The following EFR3B variants were observed in gnomAD, a reference collection of about 807,000 sequenced individuals.
EFR3B encodes the protein protein EFR3 homolog B.
EFR3B carries 64 observed loss-of-function variants against 104.7 expected under a neutral mutation model. That is an observed-to-expected ratio of 0.61 (90% confidence interval 0.50 to 0.75). The LOEUF (loss-of-function observed/expected upper bound fraction) is 0.75, where lower values mean the gene tolerates loss of function less well. Among genes scored for constraint, EFR3B ranks in the 30% least tolerant of loss-of-function variants. EFR3B has a pLI of 0.00. For synonymous variants in EFR3B, 385 were observed against 417.9 expected (o/e 0.92, Z 0.96); for missense variants, 750 against 1,078.5 (o/e 0.70, Z 4.27).
chr2:25,113,421 C>T (rs1669775568), intron 4 of EFR3B, among the ~76,000 whole-genome samples: 1 of 152,082 alleles, frequency 6.6e-6, no homozygotes, highest in Non-Finnish European at 1.5e-5. Flanking sequence ...CGCGGGGGCT[C>T]ACGCCTGTAA....
At chr2:25,108,059 C>A (rs1006008587) in intron 4 of EFR3B, among the ~76,000 whole-genome samples, 2 of 152,122 alleles carry the variant, frequency 1.3e-5, no homozygotes, top group African/African-American at 4.8e-5. Context: ...TTCTCAAACT[C>A]TTGACCTCAA....
chr2:25,097,907 G>A (rs1001253274), intron 3 of EFR3B, among the ~76,000 whole-genome samples: 1 of 152,128 alleles, frequency 6.6e-6, no homozygotes, highest in African/African-American at 2.4e-5. Flanking sequence ...AGGATCCCCA[G>A]TACCTGGAGC....
In EFR3B at chr2:25,042,333, C is replaced by T; in HGVS notation, c.7+14C>T. 1 of 1,263,550 alleles carries T rather than the reference C, an allele frequency of 7.9e-7. No homozygotes were observed. The allele number at this position is 1,263,550 out of a possible 1,614,324, so 78.3% of individuals were successfully genotyped here. On this transcript the variant is annotated intron_variant, in intron 1 of 22. Coordinates refer to ENST00000403714, the MANE Select transcript of EFR3B (RefSeq NM_014971.2). This position sits in a 1 kb window ranked among gnomAD's most constrained non-coding sequence, Gnocchi z 5.4. Reference sequence around the variant, plus strand: ...CCGAGATGTACGGTAAGGAGGGCTCCGCGCCCGGGCCCGGGCCCGCGGGGG... The same window carrying T: ...CCGAGATGTACGGTAAGGAGGGCTCTGCGCCCGGGCCCGGGCCCGCGGGGG...
At position 25,114,606 on chromosome 2, in the gene EFR3B, A is replaced by G. The variant is rs1415483162; in HGVS notation, c.364-7067A>G. 2.0e-5 allele frequency among the ~76,000 whole-genome samples: 3 copies of G among 152,180 alleles called. No homozygotes were observed. The highest frequency in any genetic ancestry group is 4.4e-5 in the Non-Finnish European group (3 of 68,006). On this transcript the variant is annotated intron_variant, in intron 4 of 22. Coordinates refer to ENST00000403714, the MANE Select transcript of EFR3B (RefSeq NM_014971.2). The surrounding 1 kb of genome is among the most constrained non-coding windows in gnomAD (Gnocchi z 4.0). ...CCTCCTAGGCAGTCCTGGGCCCCAG[A>G]GGGCAAACAGCATGCTCCAGAGATG...
intron 20 of EFR3B, among the ~76,000 whole-genome samples, chr2:25,151,071 A>C (rs914875582): frequency 9.2e-5 from 14 of 152,116 alleles, no homozygotes; most frequent in South Asian, 8.3e-4. Flanking sequence ...AAAAAAAAAA[A>C]AAACTCAACA....
chr2:25,113,142 T>A lies in EFR3B; in HGVS notation c.364-8531T>A, dbSNP rs1284740386. The stretch of plus-strand genomic sequence containing the variant: ...GATCTTGAAAGGGTGGCCCTAGCAG[T>A]GCCCCCGGCCTTTGAAATGTCACAT... On this transcript the variant is annotated intron_variant, in intron 4 of 22. Coordinates refer to ENST00000403714, the MANE Select transcript of EFR3B (RefSeq NM_014971.2). 2.0e-5 allele frequency among the ~76,000 whole-genome samples: 3 copies of A among 152,172 alleles called. No homozygotes were observed. The East Asian group carries it at 5.8e-4, about 29-fold the overall frequency.
At chr2:25,061,639 G>A (rs527829198) in intron 1 of EFR3B, among the ~76,000 whole-genome samples, 10 of 151,624 alleles carry the variant, frequency 6.6e-5, no homozygotes, top group African/African-American at 9.7e-5. Context: ...GATTACAGGC[G>A]TGCGCCACCA....
Position 25,130,609 on chromosome 2 carries a change from A to G in EFR3B, c.828A>G (p.Lys276=). The stretch of plus-strand genomic sequence containing the variant: ...AGGTGTTTGCCATCCGTTGCTTTAA[A>G]ATCATCATGTACTCAATTCAGGTAT... ...EPKVFAIRCF[K]IIMYSIQPQH... Residue 276 remains lysine, a synonymous_variant, in exon 8 of 23, where the codon AAA becomes AAG. Coordinates refer to ENST00000403714, the MANE Select transcript of EFR3B (RefSeq NM_014971.2). The surrounding 1 kb of genome is among the most constrained non-coding windows in gnomAD (Gnocchi z 4.6). The G allele has an allele frequency of 6.4e-7, 1 of 1,551,680 alleles. No homozygotes were observed. The highest frequency in any genetic ancestry group is 1.2e-5 in the South Asian group (1 of 84,062).
rs1165348902 is a variant in EFR3B, at chr2:25,136,835, G to A, written c.1560+237G>A. Among the ~76,000 whole-genome samples the A allele has an allele frequency of 1.3e-5, 2 of 152,222 alleles. No homozygotes were observed. Among genetic ancestry groups the A allele is most frequent in the African/African-American group, 4.8e-5 (2 of 41,460 alleles). On this transcript the variant is annotated intron_variant, in intron 14 of 22. Coordinates refer to ENST00000403714, the MANE Select transcript of EFR3B (RefSeq NM_014971.2). This position sits in a 1 kb window ranked among gnomAD's most constrained non-coding sequence, Gnocchi z 4.0. The stretch of plus-strand genomic sequence containing the variant: ...GGAGGCTGAGGCAGGAGAATCGCTT[G>A]AACCCAGAAGGTGGAGGTTGCAGTG...
intron 1 of EFR3B, among the ~76,000 whole-genome samples, chr2:25,052,153 A>G (rs571125733): frequency 6.6e-6 from 1 of 151,546 alleles, no homozygotes; most frequent in Admixed American, 6.5e-5. Context: ...CCAAGATCAC[A>G]CCATTGGGCT....
chr2:25,133,562 G>A (rs759832942), intron 12 of EFR3B, 128 bp downstream of exon 12: 2 of 1,031,994 alleles, frequency 1.9e-6, no homozygotes, highest in Admixed American at 2.0e-5. Context: ...AGTCGGTTGA[G>A]TCGGGGCTGA....
intron 5 of EFR3B, among the ~76,000 whole-genome samples, chr2:25,124,178 A>G (rs970487026): frequency 6.6e-6 from 1 of 151,884 alleles, no homozygotes; most frequent in Non-Finnish European, 1.5e-5. Flanking sequence ...CCACACACAT[A>G]GCATCATTTT....
intron 1 of EFR3B, chr2:25,081,160 C>T (rs574098951): frequency 1.4e-6 from 1 of 715,150 alleles, no homozygotes; most frequent in Admixed American, 2.1e-5. Flanking sequence ...CCACCCTTTT[C>T]TCCCATTTGC....
At chr2:25,078,061 G>A (rs975693065) in intron 1 of EFR3B, among the ~76,000 whole-genome samples, 9 of 152,136 alleles carry the variant, frequency 5.9e-5, no homozygotes, top group Non-Finnish European at 1.0e-4. Context: ...GTCTCATTGT[G>A]ACATATCCTT....
Position 25,136,553 on chromosome 2 carries a change from G to A in EFR3B, c.1515G>A (p.Leu505=), listed in dbSNP as rs3731631. ...TCAGTGACATCTCTGTCCTGAAGCT[G>A]AAAGTGGACAAGTGCTCTCGACAGG... ...STLSDISVLK[L]KVDKCSRQDT... The change falls in exon 14 of 23, where the codon CTG becomes CTA. Residue 505 remains leucine (L), a synonymous_variant. Transcript: ENST00000403714. This position sits in a 1 kb window ranked among gnomAD's most constrained non-coding sequence, Gnocchi z 4.0. 0.29 allele frequency: 442,838 copies of A among 1,550,176 alleles called. 65,308 individuals are homozygous for A. Among genetic ancestry groups the A allele is most frequent in the East Asian group, 0.33 (13,336 of 40,862 alleles).
intron 1 of EFR3B, among the ~76,000 whole-genome samples, chr2:25,053,719 A>T (rs1667944673): frequency 6.6e-6 from 1 of 152,198 alleles, no homozygotes; most frequent in South Asian, 2.1e-4. Flanking sequence ...CCTGGCCAAC[A>T]TGGTGAATGA....
intron 1 of EFR3B, among the ~76,000 whole-genome samples, chr2:25,057,790 A>AG (rs949016149): frequency 5.3e-5 from 8 of 151,872 alleles, no homozygotes; most frequent in African/African-American, 1.9e-4. Flanking sequence ...CGTCAAAAAA[A>AG]AAAAAAAAGA....
In EFR3B at chr2:25,080,759, G is replaced by A. The variant is rs994642709; in HGVS notation, c.8-10566G>A. 2.6e-5 allele frequency: 34 copies of A among 1,285,858 alleles called. No homozygotes were observed. The African/African-American group carries it at 3.8e-4, about 14-fold the overall frequency. 79.7% of individuals were successfully genotyped at this position (1,285,858 alleles called of 1,614,324 possible). ...TGTAGATCAAAGATTTTCTTTTGGC[G>A]TTAGGCTGAATTAGAGTCAAAATTG... is the stretch of plus-strand genomic sequence containing the variant. On this transcript the variant is annotated intron_variant, in intron 1 of 22. Coordinates refer to ENST00000403714, the MANE Select transcript of EFR3B (RefSeq NM_014971.2).
intron 1 of EFR3B, among the ~76,000 whole-genome samples, chr2:25,068,632 T>G (rs534413541): frequency 7.3e-6 from 1 of 136,504 alleles, no homozygotes. Flanking sequence ...GTTTTTTTTA[T>G]GTTTTTTTTT....
Sources: gnomAD v4.1 joint callset for allele counts (sites outside exome capture counted in the v4.1 genomes callset) on GRCh38, gnomAD v4.1.1 for gene constraint, Gnocchi (gnomAD v3.1) non-coding constraint, MANE v1.5 for transcripts, NCBI Gene and HGNC (gene_info 2026-07-23, HGNC 2026-07-21) for gene names.